DGLUCY: variants seen among roughly 807,000 people sequenced by gnomAD.
DGLUCY encodes D-glutamate cyclase, also known as D-glutamate cyclase, mitochondrial.
Under a neutral mutation model 58.5 loss-of-function variants are expected in DGLUCY, and 58 were observed. The observed-to-expected ratio is 0.99, with a 90% confidence interval of 0.80 to 1.23. DGLUCY has a LOEUF of 1.23. DGLUCY is among the 50% of genes most tolerant of loss of function. The pLI, the probability that DGLUCY is intolerant of heterozygous loss-of-function variation, is 0.00. For synonymous variants in DGLUCY, 325 were observed against 314.1 expected (o/e 1.03, Z -0.37); for missense variants, 779 against 784.7 (o/e 0.99, Z 0.09).
At chr14:91,201,210 G>A (rs1234103268) in intron 11 of DGLUCY, among the ~76,000 whole-genome samples, 4 of 152,096 alleles carry the variant, frequency 2.6e-5, no homozygotes, top group Non-Finnish European at 5.9e-5. Context: ...CACTTCTTTT[G>A]TGGATCTTCA....
Position 91,174,651 on chromosome 14 carries a change from C to T in DGLUCY, c.607+1212C>T, listed in dbSNP as rs1256943094. 3.3e-5 allele frequency among the ~76,000 whole-genome samples: 5 copies of T among 152,172 alleles called. No homozygotes were observed. In the East Asian group the frequency reaches 9.6e-4, roughly 29 times the overall value. On this transcript the variant is annotated intron_variant, in intron 6 of 13. Transcript: ENST00000256324. Reference sequence around the variant, plus strand: ...ACTGGTATACATAAGTAAATGTTTCCTCAAGGTCTGTGAGCTGCTCCAGGA... The same window carrying T: ...ACTGGTATACATAAGTAAATGTTTCTTCAAGGTCTGTGAGCTGCTCCAGGA...
At chr14:91,215,897 T>C in intron 13 of DGLUCY, 1 of 534,092 alleles carries the variant, frequency 1.9e-6, no homozygotes, top group Non-Finnish European at 2.9e-6. Context: ...GGTGGGTACT[T>C]CATACTGTTA....
At chr14:91,088,755 G>T (rs2044262260) in intron 1 of DGLUCY, among the ~76,000 whole-genome samples, 1 of 151,008 alleles carries the variant, frequency 6.6e-6, no homozygotes, top group Non-Finnish European at 1.5e-5. Flanking sequence ...CAGATCCTGT[G>T]AACACAGACA....
chr14:91,160,362 A>G lies in DGLUCY; in HGVS notation c.68A>G (p.Lys23Arg), dbSNP rs933037943. The change falls in exon 3 of 14, where the codon AAA (lysine) becomes AGA (arginine). Residue 23 changes from lysine (K) to arginine (R), a missense_variant. Coordinates refer to ENST00000256324, the MANE Select transcript of DGLUCY (RefSeq NM_001102368.3). Reference protein sequence around the residue: ...SAIRSLILQKKPNIRNTSSMA... With the variant: ...SAIRSLILQKRPNIRNTSSMA... ...ATAAGGAGTTTGATTCTACAAAAGA[A>G]ACCAAACATCAGAAATACATCCAGC... 6.2e-7 allele frequency: 1 copy of G among 1,613,392 alleles called. No individual in the cohort carries two copies. Among genetic ancestry groups the G allele is most frequent in the Non-Finnish European group, 8.5e-7 (1 of 1,179,604 alleles).
At chr14:91,070,838 A>G (rs572015079) in intron 1 of DGLUCY, among the ~76,000 whole-genome samples, 11 of 152,358 alleles carry the variant, frequency 7.2e-5, no homozygotes, top group African/African-American at 2.6e-4. Context: ...CTTAACCAAA[A>G]TGAAGACTTG....
At chr14:91,151,242 GTTGTT>G (rs2047320364) in intron 1 of DGLUCY, among the ~76,000 whole-genome samples, 2 of 152,050 alleles carry the variant, frequency 1.3e-5, no homozygotes, top group African/African-American at 4.8e-5. Context: ...CTTTGTTGTT[GTTGTT>G]TTGTTTTTTT....
At chr14:91,151,916 C>T (rs1164988536) in intron 1 of DGLUCY, among the ~76,000 whole-genome samples, 1 of 152,034 alleles carries the variant, frequency 6.6e-6, no homozygotes, top group Non-Finnish European at 1.5e-5. Context: ...GGATTACAGG[C>T]GTGAGCCACC....
At chr14:91,191,866 C>A (rs2049917697) in intron 9 of DGLUCY, among the ~76,000 whole-genome samples, 1 of 152,066 alleles carries the variant, frequency 6.6e-6, no homozygotes, top group African/African-American at 2.4e-5. Flanking sequence ...GGAAGACTGG[C>A]AGGTTTAGGG....
intron 13 of DGLUCY, among the ~76,000 whole-genome samples, chr14:91,220,261 C>T (rs1417539097): frequency 3.3e-5 from 5 of 152,212 alleles, no homozygotes; most frequent in Admixed American, 2.0e-4. Flanking sequence ...TCGGTCTCCT[C>T]GAGTGGGGCC....
intron 1 of DGLUCY, among the ~76,000 whole-genome samples, chr14:91,126,062 A>G (rs1437389426): frequency 2.0e-5 from 3 of 152,160 alleles, no homozygotes; most frequent in Admixed American, 6.6e-5. Context: ...TAGGTCTGAG[A>G]TAGTGACTGA....
At chr14:91,172,790 G>T (rs1431187312) in intron 5 of DGLUCY, among the ~76,000 whole-genome samples, 1 of 152,104 alleles carries the variant, frequency 6.6e-6, no homozygotes, top group Non-Finnish European at 1.5e-5. Context: ...GGGACTAGAG[G>T]CGCGTGCCAC....
At chr14:91,202,057 A>AT (rs2050598063) in intron 11 of DGLUCY, among the ~76,000 whole-genome samples, 1 of 139,274 alleles carries the variant, frequency 7.2e-6, no homozygotes. Flanking sequence ...CTCTGTCTCA[A>AT]AAATAATAAT....
At chr14:91,114,421 G>C (rs962475817) in intron 1 of DGLUCY, 138 bp downstream of exon 1, 1 of 152,372 alleles carries the variant, frequency 6.6e-6, no homozygotes, top group Non-Finnish European at 1.5e-5. Flanking sequence ...AAACCAGTGA[G>C]CAAGGCAGAA....
chr14:91,129,660 T>C (rs1202348436), intron 1 of DGLUCY, among the ~76,000 whole-genome samples: 1 of 152,118 alleles, frequency 6.6e-6, no homozygotes, highest in Non-Finnish European at 1.5e-5. Flanking sequence ...TGTTTTTTTT[T>C]TCTGAGACGG....
intron 1 of DGLUCY, among the ~76,000 whole-genome samples, chr14:91,108,487 T>TTGTGTGTGTGTGTG (rs34711327): frequency 6.7e-5 from 5 of 74,966 alleles, no homozygotes; most frequent in African/African-American, 2.8e-4. Flanking sequence ...CTTGAAGAAT[T>TTGTGTGTGTGTGTG]TGTGTGTGTG....
chr14:91,068,477 T>G (rs1048157616), intron 1 of DGLUCY, among the ~76,000 whole-genome samples: 3 of 152,208 alleles, frequency 2.0e-5, no homozygotes, highest in African/African-American at 7.2e-5. Context: ...GAGATCAGCC[T>G]GACCAACATG....
At chr14:91,094,926 A>G (rs2044370619) in intron 1 of DGLUCY, among the ~76,000 whole-genome samples, 1 of 151,934 alleles carries the variant, frequency 6.6e-6, no homozygotes, top group African/African-American at 2.4e-5. Flanking sequence ...AGGATATACC[A>G]CTTTGTAAAA....
At chr14:91,064,689 G>A (rs1278919083) in intron 1 of DGLUCY, among the ~76,000 whole-genome samples, 1 of 151,766 alleles carries the variant, frequency 6.6e-6, no homozygotes, top group Non-Finnish European at 1.5e-5. Flanking sequence ...GGTAGAAAAG[G>A]AAAACCTGGA....
Position 91,215,496 on chromosome 14 carries a change from C to T in DGLUCY, c.1656C>T (p.Val552=), listed in dbSNP as rs778666011. Residue 552 remains valine (V), a synonymous_variant, in exon 13 of 14, where the codon GTC becomes GTT. Coordinates refer to ENST00000256324, the MANE Select transcript of DGLUCY (RefSeq NM_001102368.3). The stretch of plus-strand genomic sequence containing the variant: ...ACAGTCAGTACCTGAGGAAAGCAGT[C>T]GGACCCTCCAGGGCACCTGGAGATC... The part of the protein sequence containing the change: ...AVHSQYLRKA[V]GPSRAPGDQA... 64 of 1,614,216 alleles carry T rather than the reference C, an allele frequency of 4.0e-5. 1 individual carries two copies. The Middle Eastern group carries it at 4.9e-4, about 12-fold the overall frequency.
Sources: gnomAD v4.1 joint callset for allele counts (sites outside exome capture counted in the v4.1 genomes callset) on GRCh38, gnomAD v4.1.1 for gene constraint, MANE v1.5 for transcripts, NCBI Gene and HGNC (gene_info 2026-07-23, HGNC 2026-07-21) for gene names.